The following C10orf71 variants were observed in gnomAD, a reference collection of about 807,000 sequenced individuals.
The protein encoded by C10orf71 is chromosome 10 open reading frame 71, also known as cardiac-enriched FHL2-interacting protein.
For missense variants in C10orf71, 1,869 were observed against 1,804.5 expected (o/e 1.04, Z -0.65); for synonymous variants, 758 against 726.3 (o/e 1.04, Z -0.70).
chr10:49,298,353 C>A (rs6537523), upstream of C10orf71, among the ~76,000 whole-genome samples: 75,283 of 152,054 alleles, frequency 0.5, 19,271 homozygotes, highest in Non-Finnish European at 0.55. Flanking sequence ...GGGAAAAAAA[C>A]CCACTCTTGC....
intron 1 of C10orf71, among the ~76,000 whole-genome samples, chr10:49,304,172 G>T (rs951148325): frequency 1.3e-5 from 2 of 152,166 alleles, no homozygotes; most frequent in African/African-American, 4.8e-5. Context: ...AGAGATAACT[G>T]AGAATTTGCT....
At chr10:49,301,264 T>C (rs558482132) in intron 1 of C10orf71, among the ~76,000 whole-genome samples, 1 of 152,294 alleles carries the variant, frequency 6.6e-6, no homozygotes, top group South Asian at 2.1e-4. Flanking sequence ...CCCAACAGGG[T>C]CCATCGAGGC....
intron 2 of C10orf71, among the ~76,000 whole-genome samples, chr10:49,317,823 C>G (rs1336784455): frequency 1.3e-5 from 2 of 152,078 alleles, no homozygotes; most frequent in East Asian, 3.9e-4. Flanking sequence ...TACACTCCAG[C>G]CTGGGTGACA....
upstream of C10orf71, chr10:49,298,617 A>G (rs1208775109): frequency 6.6e-6 from 1 of 152,208 alleles, no homozygotes; most frequent in East Asian, 1.9e-4. Context: ...GCAGAACGGG[A>G]CTTGTCCACT....
chr10:49,326,425 G>GT lies in C10orf71; in HGVS notation c.3881dup (p.Lys1295GlufsTer7). 1 of 1,550,470 alleles carries GT rather than the reference G, an allele frequency of 6.4e-7. No individual in the cohort carries two copies. The highest frequency in any genetic ancestry group is 8.7e-7 in the Non-Finnish European group (1 of 1,146,884). ...CTTTGTCTTCGACTTGCCACTCCAG[G>GT]TGAAAATCAAGACCTTCTATGACCC... On this transcript the variant is annotated frameshift_variant, in exon 3 of 3. Coordinates refer to ENST00000374144, the MANE Select transcript of C10orf71 (RefSeq NM_001135196.2). LOFTEE classifies it low-confidence loss of function (END_TRUNC).
rs190667236 is a variant in C10orf71 at position 49,306,961 on chromosome 10, C to T, written c.-248+7728C>T. 4.5e-3 allele frequency among the ~76,000 whole-genome samples: 691 copies of T among 152,334 alleles called. 4 individuals carry two copies. Among genetic ancestry groups the T allele is most frequent in the Non-Finnish European group, 5.9e-3 (400 of 68,024 alleles). Reference sequence around the variant, plus strand: ...GAGGTGCAAGGGTAAGAAGGATGAGCAGCAGAACCATGGCTGCCAGGCTGA... The same window carrying T: ...GAGGTGCAAGGGTAAGAAGGATGAGTAGCAGAACCATGGCTGCCAGGCTGA... On this transcript the variant is annotated intron_variant, in intron 1 of 2. Coordinates refer to ENST00000374144, the MANE Select transcript of C10orf71 (RefSeq NM_001135196.2).
In C10orf71 at chr10:49,322,605, C is replaced by A. The variant is rs761946135; in HGVS notation, c.60C>A (p.Ser20Arg). 6.2e-7 allele frequency: 1 copy of A among 1,612,864 alleles called. No individual in the cohort carries two copies. The highest frequency in any genetic ancestry group is 2.2e-5 in the East Asian group (1 of 44,834). The change falls in exon 3 of 3, where the codon AGC becomes AGA. Residue 20 changes from serine to arginine, a missense_variant. By Grantham distance (110) the Ser-to-Arg change is moderately radical. Transcript: ENST00000374144. The part of the protein sequence containing the change: ...DAFSDSSSIG[S>R]VLDDADREVS... The stretch of plus-strand genomic sequence containing the variant: ...TCAGCGACTCCTCCAGCATCGGCAG[C>A]GTGTTGGATGATGCAGACAGGGAGG...
In C10orf71 at chr10:49,325,313, G is replaced by A. The variant is rs1226527351; in HGVS notation, c.2768G>A (p.Arg923Gln). The A allele has an allele frequency of 1.9e-5, 30 of 1,551,564 alleles. No homozygotes were observed. In the East Asian group the frequency reaches 4.9e-4, roughly 25 times the overall value. The change falls in exon 3 of 3, where the codon CGG becomes CAG. Residue 923 changes from arginine (R) to glutamine (Q), a missense_variant. Coordinates refer to ENST00000374144, the MANE Select transcript of C10orf71 (RefSeq NM_001135196.2). ...GGTACATCGACACCCACTAACACAC[G>A]GGGCACACGTGTGAAGTGCATGGCC... is the stretch of plus-strand genomic sequence containing the variant. ...ILGTSTPTNT[R>Q]GTRVKCMANE...
rs1325155288 is a variant in C10orf71 at position 49,325,472 on chromosome 10, C to T, written c.2927C>T (p.Ala976Val). The part of the protein sequence containing the change: ...EGDRVKAPPD[A>V]APGLVASNCK... ...GACCGGGTGAAGGCACCACCAGATG[C>T]TGCACCTGGCCTCGTGGCAAGCAAT... Residue 976 changes from alanine to valine, a missense_variant, in exon 3 of 3, where the codon GCT becomes GTT. Transcript: ENST00000374144. 6.4e-7 allele frequency: 1 copy of T among 1,550,628 alleles called. No homozygotes were observed. Among genetic ancestry groups the T allele is most frequent in the Middle Eastern group, 1.7e-4 (1 of 5,988 alleles).
chr10:49,323,474 C>A lies in C10orf71; in HGVS notation c.929C>A (p.Thr310Asn). Residue 310 changes from threonine (T) to asparagine (N), a missense_variant, in exon 3 of 3, where the codon ACC (threonine) becomes AAC (asparagine). Physicochemically the swap from Thr to Asn is moderately conservative, Grantham distance 65. Transcript: ENST00000374144. ...GCTCCCAAGCACTATGGGGACACGA[C>A]CTTGCTAAGAGAACCCTGTCCTCCT... Reference protein sequence around the residue: ...SKAPKHYGDTTLLREPCPPER... With the variant: ...SKAPKHYGDTNLLREPCPPER... The A allele has an allele frequency of 6.2e-7, 1 of 1,613,940 alleles. No homozygotes were observed. The highest frequency in any genetic ancestry group is 8.5e-7 in the Non-Finnish European group (1 of 1,179,820).
chr10:49,300,314 G>GCTT (rs1185752533), intron 1 of C10orf71, among the ~76,000 whole-genome samples: 1 of 152,230 alleles, frequency 6.6e-6, no homozygotes, highest in African/African-American at 2.4e-5. Context: ...TCATTCATTT[G>GCTT]CATATTGTCT....
chr10:49,315,942 G>A lies in C10orf71; in HGVS notation c.-247-203G>A, dbSNP rs1345283610. Among the ~76,000 whole-genome samples, 2 of 152,184 alleles carry A rather than the reference G, an allele frequency of 1.3e-5. 1 individual carries two copies. The highest frequency in any genetic ancestry group is 4.1e-4 in the South Asian group (2 of 4,832). ...ATAGTGGTGCACACCTGTAATCCCA[G>A]CTACTTGGGTGGCTGAGGAAGGAGA... On this transcript the variant is annotated intron_variant, in intron 1 of 2. Coordinates refer to ENST00000374144, the MANE Select transcript of C10orf71 (RefSeq NM_001135196.2).
At position 49,307,678 on chromosome 10, in the gene C10orf71, C is replaced by G. The variant is rs1456510188; in HGVS notation, c.-248+8445C>G. Among the ~76,000 whole-genome samples the G allele has an allele frequency of 5.3e-5, 8 of 152,204 alleles. No homozygotes were observed. The East Asian group carries it at 1.5e-3, about 29-fold the overall frequency. On this transcript the variant is annotated intron_variant, in intron 1 of 2. Transcript: ENST00000374144. ...TCTGCCTGGGATATCAGGGAGGCAG[C>G]AAGAAATTAGCCAGTGCTACAAATC...
chr10:49,303,289 C>T (rs1408519571), intron 1 of C10orf71, among the ~76,000 whole-genome samples: 1 of 152,220 alleles, frequency 6.6e-6, no homozygotes, highest in African/African-American at 2.4e-5. Context: ...ACCTTCAGCA[C>T]ATGGGGTGGA....
intron 1 of C10orf71, among the ~76,000 whole-genome samples, chr10:49,300,002 G>A (rs1475668496): frequency 2.6e-5 from 4 of 152,208 alleles, no homozygotes; most frequent in African/African-American, 9.6e-5. Context: ...ACTCCCACAG[G>A]GTATGCTTGA....
At chr10:49,317,534 G>A (rs1849019761) in intron 2 of C10orf71, among the ~76,000 whole-genome samples, 1 of 152,204 alleles carries the variant, frequency 6.6e-6, no homozygotes, top group Admixed American at 6.5e-5. Context: ...CCCTAATCCA[G>A]TATGACTGGT....
rs532551861 is a variant in C10orf71, at chr10:49,326,744, G to A, written c.4199G>A (p.Arg1400His). ...TGCACCCCGCACTCTGCAGGCCAGC[G>A]CCCTCATGGTCCTCCCCAGAGCCCA... ...GDCTPHSAGQRPHGPPQSPGE... is the reference protein window; with the variant it reads ...GDCTPHSAGQHPHGPPQSPGE... The change falls in exon 3 of 3, where the codon CGC becomes CAC. Residue 1400 changes from arginine (R) to histidine (H), a missense_variant. Physicochemically the swap from Arg to His is conservative, Grantham distance 29. Transcript: ENST00000374144. The A allele has an allele frequency of 2.8e-5, 44 of 1,550,984 alleles. No homozygotes were observed. The South Asian group carries it at 3.6e-4, about 13-fold the overall frequency.
intron 2 of C10orf71, among the ~76,000 whole-genome samples, chr10:49,319,731 T>TATATATATATATAC (rs1554859396): frequency 1.7e-5 from 2 of 119,114 alleles, no homozygotes; most frequent in Non-Finnish European, 3.4e-5. Flanking sequence ...TATATATATA[T>TATATATATATATAC]ATACACATAC....
At chr10:49,312,306 C>T (rs940083885) in intron 1 of C10orf71, among the ~76,000 whole-genome samples, 1 of 152,142 alleles carries the variant, frequency 6.6e-6, no homozygotes, top group Admixed American at 6.5e-5. Context: ...ATCCTGTTTC[C>T]CCTAGTGTGC....
Sources: allele counts gnomAD v4.1 joint callset (sites outside exome capture counted in the v4.1 genomes callset), GRCh38; gene constraint gnomAD v4.1.1; transcripts MANE v1.5; gene names NCBI Gene and HGNC (gene_info 2026-07-23, HGNC 2026-07-21).